The following IPP variants were observed in gnomAD, a reference collection of about 807,000 sequenced individuals.
IPP encodes actin-binding protein IPP.
In IPP, 41 loss-of-function variants were observed where a neutral mutation model predicts 64.1. The ratio of observed to expected loss-of-function variants is 0.64; its 90% CI spans 0.50 to 0.83. IPP has a LOEUF of 0.83. Ranked by LOEUF, IPP falls within the 40% of genes least tolerant of loss-of-function variation. The probability of loss-of-function intolerance (pLI) is 0.00; values close to 1 mark genes in which losing one functional copy is unlikely to be tolerated. For synonymous variants in IPP, 214 were observed against 235.2 expected (o/e 0.91, Z 0.83); for missense variants, 649 against 703.0 (o/e 0.92, Z 0.87).
chr1:45,728,156 G>A (rs937104360), intron 4 of IPP, among the ~76,000 whole-genome samples: 5 of 151,016 alleles, frequency 3.3e-5, no homozygotes, highest in South Asian at 2.1e-4. Flanking sequence ...GTGTGTGTGT[G>A]TGTGTGTGTG....
chr1:45,740,559 C>CG (rs1332183372), intron 3 of IPP, among the ~76,000 whole-genome samples: 2 of 152,070 alleles, frequency 1.3e-5, no homozygotes, highest in African/African-American at 4.8e-5. Context: ...GCTGACCCCC[C>CG]CTAGGAAATC....
rs142554105 is a variant in IPP at position 45,716,801 on chromosome 1, A to C, written c.1309+94T>G. On this transcript the variant is annotated intron_variant, in intron 7 of 8. Coordinates refer to ENST00000396478, the MANE Select transcript of IPP (RefSeq NM_005897.3). ...CTAGTATCAGTCATTCAATACTAAC[A>C]GACTTAAAATATACTTTTGTGAAAA... is the stretch of plus-strand genomic sequence containing the variant. The C allele has an allele frequency of 1.0e-5, 11 of 1,075,572 alleles. No homozygotes were observed. The East Asian group carries it at 2.8e-4, about 27-fold the overall frequency. The allele number at this position is 1,075,572 out of a possible 1,614,324, so 66.6% of individuals were successfully genotyped here. A position where few individuals can be genotyped will look rare whatever the true frequency, so the allele number is the denominator to read the frequency against.
At chr1:45,724,181 G>T (rs1425243785) in intron 5 of IPP, among the ~76,000 whole-genome samples, 9 of 152,236 alleles carry the variant, frequency 5.9e-5, no homozygotes, top group African/African-American at 1.9e-4. Context: ...ACGGGGTTTT[G>T]CTGTGTTGGC....
chr1:45,747,731 G>T (rs1570063246), intron 1 of IPP, among the ~76,000 whole-genome samples: 1 of 150,020 alleles, frequency 6.7e-6, no homozygotes, highest in Non-Finnish European at 1.5e-5. Context: ...GGGAGGCTGA[G>T]GCACAAGAAT....
chr1:45,718,529 C>T (rs904368046), intron 6 of IPP, among the ~76,000 whole-genome samples: 2 of 151,830 alleles, frequency 1.3e-5, no homozygotes, highest in African/African-American at 4.8e-5. Context: ...TACCATCCCC[C>T]GCCTGAGTGC....
intron 3 of IPP, among the ~76,000 whole-genome samples, chr1:45,737,508 T>G (rs951017067): frequency 1.3e-5 from 2 of 148,936 alleles, no homozygotes; most frequent in Non-Finnish European, 3.0e-5. Context: ...CCACCCAGGC[T>G]AGAGTACGGT....
intron 1 of IPP, among the ~76,000 whole-genome samples, chr1:45,748,737 T>G (rs1253249592): frequency 6.6e-6 from 1 of 152,016 alleles, no homozygotes; most frequent in East Asian, 1.9e-4. Flanking sequence ...TTTGGAAGGC[T>G]GAGGCGGGTG....
At chr1:45,747,149 AAC>A (rs1646148761) in intron 1 of IPP, among the ~76,000 whole-genome samples, 2 of 151,968 alleles carry the variant, frequency 1.3e-5, no homozygotes, top group Non-Finnish European at 2.9e-5. Context: ...AGCTCCTTGA[AAC>A]ACAGCCCTTT....
At chr1:45,722,879 CA>C (rs1645752096) in intron 5 of IPP, among the ~76,000 whole-genome samples, 1 of 152,110 alleles carries the variant, frequency 6.6e-6, no homozygotes, top group Non-Finnish European at 1.5e-5. Context: ...AAGTCAGACA[CA>C]ATATTATATG....
At position 45,729,633 on chromosome 1, in the gene IPP, T is replaced by C. The variant is rs139777454; in HGVS notation, c.861A>G (p.Arg287=). The change falls in exon 4 of 9, where the codon AGA becomes AGG. Residue 287 remains arginine, a synonymous_variant. Transcript: ENST00000396478. ...TSKVRPRKKA[R]KYLYAVGGYT... ...TCTCACCTACTGCATACAGGTACTT[T>C]CTTGCTTTCTTCCGAGGTCGAACCT... 173 of 1,612,720 alleles carry C rather than the reference T, an allele frequency of 1.1e-4. 1 individual carries two copies. The highest frequency in any genetic ancestry group is 6.5e-4 in the African/African-American group (49 of 74,990).
At chr1:45,749,439 C>T (rs1348043519) in intron 1 of IPP, among the ~76,000 whole-genome samples, 3 of 151,878 alleles carry the variant, frequency 2.0e-5, no homozygotes, top group African/African-American at 7.3e-5. Flanking sequence ...AGGTGGCTCA[C>T]ACCTATAACC....
At chr1:45,703,629 T>C (rs1218233464) in intron 8 of IPP, among the ~76,000 whole-genome samples, 1 of 152,038 alleles carries the variant, frequency 6.6e-6, no homozygotes, top group Non-Finnish European at 1.5e-5. Flanking sequence ...AAGAAACTAA[T>C]TTAACCTGGT....
At chr1:45,723,445 A>T (rs1645760128) in intron 5 of IPP, among the ~76,000 whole-genome samples, 1 of 152,218 alleles carries the variant, frequency 6.6e-6, no homozygotes, top group Non-Finnish European at 1.5e-5. Context: ...CAGGGGATGG[A>T]ATACATACAT....
chr1:45,737,243 C>A (rs574898641), intron 3 of IPP, among the ~76,000 whole-genome samples: 110 of 151,920 alleles, frequency 7.2e-4, no homozygotes, highest in African/African-American at 2.5e-3. Flanking sequence ...TAATTTCTCT[C>A]CCTTGTTTAA....
intron 1 of IPP, among the ~76,000 whole-genome samples, chr1:45,750,295 C>A (rs1361407722): frequency 1.3e-5 from 2 of 152,160 alleles, no homozygotes; most frequent in African/African-American, 2.4e-5. Flanking sequence ...CGTTCCTGCG[C>A]TACCTAAAGG....
At chr1:45,710,644 GA>G (rs1645577592) in intron 8 of IPP, among the ~76,000 whole-genome samples, 1 of 23,604 alleles carries the variant, frequency 4.2e-5, no homozygotes, top group Admixed American at 4.7e-4. Context: ...AAAAAAGAGA[GA>G]AGCTCTTTGA....
chr1:45,736,883 CA>C (rs928987314), intron 3 of IPP, among the ~76,000 whole-genome samples: 11 of 146,478 alleles, frequency 7.5e-5, no homozygotes, highest in Admixed American at 1.4e-4. Context: ...GCTAAAAATA[CA>C]AAAAAAAAAT....
rs549031393 is a variant in IPP, at chr1:45,742,664, G to C, written c.293-1332C>G. Among the ~76,000 whole-genome samples the C allele has an allele frequency of 5.9e-5, 9 of 152,136 alleles. No homozygotes were observed. In the South Asian group the frequency reaches 1.9e-3, roughly 32 times the overall value. On this transcript the variant is annotated intron_variant, in intron 2 of 8. Transcript: ENST00000396478. ...GCCTCCCACCTCAACCTCCCGAGTA[G>C]CTGGTACTACAGACACTCACCACCA...
At chr1:45,709,229 C>T (rs377361704) in intron 8 of IPP, among the ~76,000 whole-genome samples, 4 of 150,438 alleles carry the variant, frequency 2.7e-5, no homozygotes, top group East Asian at 4.0e-4. Flanking sequence ...GTCAGGAGCT[C>T]GAGACCATCC....
Sources: allele counts gnomAD v4.1 joint callset (sites outside exome capture counted in the v4.1 genomes callset), GRCh38; gene constraint gnomAD v4.1.1; transcripts MANE v1.5; gene names NCBI Gene and HGNC (gene_info 2026-07-23, HGNC 2026-07-21).